FAM135B: variants seen among roughly 807,000 people sequenced by gnomAD.
The protein encoded by FAM135B is family with sequence similarity 135 member B.
A neutral mutation model predicts 127.7 loss-of-function variants in FAM135B; 43 were observed. The observed-to-expected ratio is 0.34, with a 90% CI of 0.26 to 0.43. The LOEUF is 0.43. Ranked by LOEUF, FAM135B falls within the 20% of genes least tolerant of loss-of-function variation. The pLI is 1.00. For missense variants in FAM135B, 1,558 were observed against 1,725.6 expected, an observed-to-expected ratio of 0.90 and a Z score of 1.72; for synonymous variants, 670 against 665.1, an observed-to-expected ratio of 1.01 and a Z score of -0.11.
intron 11 of FAM135B, among the ~76,000 whole-genome samples, chr8:138,170,031 C>T (rs1459575795): frequency 1.3e-5 from 2 of 152,068 alleles, no homozygotes; most frequent in South Asian, 2.1e-4. Context: ...TGGCTCTAGG[C>T]CAAAATCCTG....
intron 7 of FAM135B, among the ~76,000 whole-genome samples, chr8:138,222,316 T>C (rs975267225): frequency 3.3e-5 from 5 of 152,166 alleles, no homozygotes; most frequent in Non-Finnish European, 5.9e-5. Flanking sequence ...TGCCCACTGC[T>C]TCTTAACTCT....
At chr8:138,262,120 A>G (rs932013913) in intron 4 of FAM135B, among the ~76,000 whole-genome samples, 3 of 152,242 alleles carry the variant, frequency 2.0e-5, no homozygotes, top group Non-Finnish European at 4.4e-5. Flanking sequence ...AACAACATGT[A>G]ATGTGAAATA....
chr8:138,351,991 G>C (rs891076997), intron 2 of FAM135B, among the ~76,000 whole-genome samples: 3 of 152,194 alleles, frequency 2.0e-5, no homozygotes, highest in South Asian at 2.1e-4. Context: ...CGTTCGACCA[G>C]ATTATTTTTT....
intron 5 of FAM135B, among the ~76,000 whole-genome samples, chr8:138,251,827 T>G (rs1417648644): frequency 6.6e-6 from 1 of 152,122 alleles, no homozygotes; most frequent in Admixed American, 6.6e-5. Context: ...GCTGGGCAAA[T>G]TTCTCTGAAG....
intron 1 of FAM135B, among the ~76,000 whole-genome samples, chr8:138,489,287 C>CA (rs1167313125): frequency 7.2e-5 from 11 of 152,176 alleles, no homozygotes; most frequent in African/African-American, 1.9e-4. Flanking sequence ...GCCAATCCAT[C>CA]AGACTAGGTC....
At chr8:138,177,306 G>GC in intron 11 of FAM135B, 41 bp downstream of exon 11, 1 of 1,581,888 alleles carries the variant, frequency 6.3e-7, no homozygotes, top group Non-Finnish European at 8.7e-7. Context: ...GTCTTGGGTG[G>GC]CTGCTTTTAG....
chr8:138,290,426 G>A (rs935108433), intron 3 of FAM135B, among the ~76,000 whole-genome samples: 6 of 152,096 alleles, frequency 3.9e-5, no homozygotes, highest in South Asian at 4.2e-4. Context: ...AGAACTTAGC[G>A]GTCTCAATGT....
chr8:138,171,516 T>C (rs759400338), intron 11 of FAM135B, among the ~76,000 whole-genome samples: 1 of 152,238 alleles, frequency 6.6e-6, no homozygotes, highest in Non-Finnish European at 1.5e-5. Flanking sequence ...TTTTGTTCAA[T>C]GATGCATATC....
chr8:138,139,219 T>C lies in FAM135B; in HGVS notation c.3791-123A>G. ...AGTTAACTTGAAAATAAGAGAGAAG[T>C]AGGCATACTAGCAAATAGTTGGGAA... On this transcript the variant is annotated intron_variant, in intron 17 of 19. Coordinates refer to ENST00000395297, the MANE Select transcript of FAM135B (RefSeq NM_015912.4). 4 of 601,162 alleles carry C rather than the reference T, an allele frequency of 6.7e-6. No homozygotes were observed. In the South Asian group the frequency reaches 7.8e-5, roughly 12 times the overall value. The allele number at this position is 601,162 out of a possible 1,614,324, so 37.2% of individuals were successfully genotyped here. A position where few individuals can be genotyped will look rare whatever the true frequency, so the allele number is the denominator to read the frequency against.
At chr8:138,180,645 G>A (rs1814933067) in intron 9 of FAM135B, among the ~76,000 whole-genome samples, 1 of 152,186 alleles carries the variant, frequency 6.6e-6, no homozygotes, top group African/African-American at 2.4e-5. Flanking sequence ...AAGAAAGAGG[G>A]AAGGAGGAGT....
intron 2 of FAM135B, among the ~76,000 whole-genome samples, chr8:138,315,965 T>G (rs1248734625): frequency 6.6e-6 from 1 of 152,172 alleles, no homozygotes; most frequent in Non-Finnish European, 1.5e-5. Context: ...AGGATTATAG[T>G]TAATAATATT....
rs767329617 is a variant in FAM135B, at chr8:138,132,376, T to C, written c.*217A>G. On this transcript the variant is annotated 3_prime_UTR_variant, in exon 20 of 20. Transcript: ENST00000395297. This position sits in a 1 kb window ranked among gnomAD's most constrained non-coding sequence, Gnocchi z 4.5. Reference sequence around the variant, plus strand: ...TCTTGAATGACACTCCAGGTAACTATACAAATTCAAGCAAAGTTTGTTGTC... The same window carrying C: ...TCTTGAATGACACTCCAGGTAACTACACAAATTCAAGCAAAGTTTGTTGTC... 40 of 539,970 alleles carry C rather than the reference T, an allele frequency of 7.4e-5. No individual in the cohort carries two copies. The highest frequency in any genetic ancestry group is 1.2e-4 in the Non-Finnish European group (37 of 301,572). The allele number at this position is 539,970 out of a possible 1,614,324, so 33.4% of individuals were successfully genotyped here. A position where few individuals can be genotyped will look rare whatever the true frequency, so the allele number is the denominator to read the frequency against.
At chr8:138,329,217 G>C (rs1828004620) in intron 2 of FAM135B, among the ~76,000 whole-genome samples, 1 of 152,210 alleles carries the variant, frequency 6.6e-6, no homozygotes, top group Non-Finnish European at 1.5e-5. Context: ...GAAATGGAGA[G>C]AGAGAGACGA....
At position 138,209,216 on chromosome 8, in the gene FAM135B, A is replaced by G. The variant is rs535961682; in HGVS notation, c.670-11547T>C. ...CCTCACCTGGAGGAGAATATACCCA[A>G]AATGAAGAAATCTGGGTCACAAACA... On this transcript the variant is annotated intron_variant, in intron 7 of 19. Transcript: ENST00000395297. Among the ~76,000 whole-genome samples, 8 of 152,318 alleles carry G rather than the reference A, an allele frequency of 5.3e-5. No homozygotes were observed. The East Asian group carries it at 1.4e-3, about 26-fold the overall frequency.
intron 7 of FAM135B, among the ~76,000 whole-genome samples, chr8:138,228,926 G>T (rs1014910743): frequency 5.3e-5 from 8 of 152,158 alleles, no homozygotes; most frequent in African/African-American, 1.9e-4. Flanking sequence ...CAGTAAATAG[G>T]TATGAAGTAA....
chr8:138,334,995 GAAGAA>G lies in FAM135B; in HGVS notation c.78-24080_78-24076del, dbSNP rs1172201977. 7.2e-5 allele frequency among the ~76,000 whole-genome samples: 11 copies of G among 152,278 alleles called. 1 individual carries two copies. Among genetic ancestry groups the G allele is most frequent in the East Asian group, 3.9e-4 (2 of 5,186 alleles). ...TGCATTTATAATCCTTATGCATGCA[GAAGAA>G]AAGTCTACATTTTCTAAAACTTTGG... On this transcript the variant is annotated intron_variant, in intron 2 of 19. Coordinates refer to ENST00000395297, the MANE Select transcript of FAM135B (RefSeq NM_015912.4).
Position 138,231,517 on chromosome 8 carries a change from A to G in FAM135B, c.669+11425T>C, listed in dbSNP as rs1586835132. On this transcript the variant is annotated intron_variant, in intron 7 of 19. Transcript: ENST00000395297. ...AGAGCAAACACTAATATAACATTTT[A>G]TTAAGGAGATACCTATTTCTCTGAT... Among the ~76,000 whole-genome samples, 4 of 151,986 alleles carry G rather than the reference A, an allele frequency of 2.6e-5. No individual in the cohort carries two copies. In the South Asian group the frequency reaches 8.3e-4, roughly 32 times the overall value.
intron 2 of FAM135B, among the ~76,000 whole-genome samples, chr8:138,352,216 G>T (rs1251685983): frequency 6.6e-6 from 1 of 152,142 alleles, no homozygotes; most frequent in African/African-American, 2.4e-5. Context: ...TAAAGGCCAA[G>T]ATTTTTACTG....
At chr8:138,296,622 G>A (rs73436184) in intron 3 of FAM135B, among the ~76,000 whole-genome samples, 5,533 of 152,202 alleles carry the variant, frequency 0.036, 239 homozygotes, top group East Asian at 0.18. Flanking sequence ...AAGAGCTATG[G>A]AGCCTTAGAT....
Sources: allele counts gnomAD v4.1 joint callset (sites outside exome capture counted in the v4.1 genomes callset), GRCh38; gene constraint gnomAD v4.1.1; non-coding constraint Gnocchi (gnomAD v3.1); transcripts MANE v1.5; gene names NCBI Gene and HGNC (gene_info 2026-07-23, HGNC 2026-07-21).